Variants in ITPR1 observed in about 807,000 individuals in gnomAD.
ITPR1 encodes the protein inositol 1,4,5-trisphosphate receptor type 1.
Under a neutral mutation model 318.4 loss-of-function variants are expected in ITPR1, and 96 were observed. That is an observed-to-expected ratio of 0.30 (90% CI 0.26 to 0.36). The LOEUF is 0.36. Ranked by LOEUF, ITPR1 falls within the 10% of genes least tolerant of loss-of-function variation. The pLI, the probability that ITPR1 is intolerant of heterozygous loss-of-function variation, is 1.00. For missense variants in ITPR1, 2,440 were observed against 3,460.2 expected (o/e 0.71, Z 7.40); for synonymous variants, 1,312 against 1,289.9 (o/e 1.02, Z -0.37).
Position 4,600,817 on chromosome 3 carries a change from G to A in ITPR1, c.164-26946G>A, listed in dbSNP as rs541735038. The stretch of plus-strand genomic sequence containing the variant: ...CCAACAAGGGCGACTCCCACAGAAT[G>A]TCAGTAGCCATCAGACAATGCAGGA... On this transcript the variant is annotated intron_variant, in intron 4 of 61. Coordinates refer to ENST00000649015, the MANE Select transcript of ITPR1 (RefSeq NM_001378452.1). 2.6e-5 allele frequency among the ~76,000 whole-genome samples: 4 copies of A among 152,252 alleles called. No individual in the cohort carries two copies. The East Asian group carries it at 5.8e-4, about 22-fold the overall frequency.
rs1376527662 is a variant in ITPR1 at position 4,627,830 on chromosome 3, G to T, written c.231G>T (p.Lys77Asn). The change falls in exon 5 of 62, where the codon AAG (lysine) becomes AAT (asparagine). Residue 77 changes from lysine (K) to asparagine (N), a missense_variant. Lys to Asn is a moderately conservative substitution (Grantham distance 94). Around this residue, in one of 23 missense-constraint regions of ITPR1, gnomAD observed 186 missense variants for 323.9 expected, o/e 0.57. Transcript: ENST00000649015. Reference sequence around the variant, plus strand: ...AAAAGCAGTTCTGGAAAGCCGCTAAGCCTGGGGCCAACAGCACCACAGACG... The same window carrying T: ...AAAAGCAGTTCTGGAAAGCCGCTAATCCTGGGGCCAACAGCACCACAGACG... The part of the protein sequence containing the change: ...SAQKQFWKAA[K>N]PGANSTTDAV... 1 of 1,613,804 alleles carries T rather than the reference G, an allele frequency of 6.2e-7. No homozygotes were observed. The highest frequency in any genetic ancestry group is 8.5e-7 in the Non-Finnish European group (1 of 1,179,806).
intron 4 of ITPR1, among the ~76,000 whole-genome samples, chr3:4,594,001 TATGTGGGAGATATGATATGGGAA>T (rs1307057483): frequency 6.6e-6 from 1 of 152,132 alleles, no homozygotes; most frequent in African/African-American, 2.4e-5. Flanking sequence ...CAGGAGAATC[TATGTGGGAGATATGATATGGGAA>T]ATGCGGGGCT....
At chr3:4,622,151 G>A (rs531390436) in intron 4 of ITPR1, among the ~76,000 whole-genome samples, 23 of 127,102 alleles carry the variant, frequency 1.8e-4, no homozygotes, top group South Asian at 2.5e-4. Flanking sequence ...GTCTTGTTCC[G>A]TTGCCCAGGC....
intron 36 of ITPR1, 72 bp from the exon 37 acceptor site, chr3:4,706,095 G>T: frequency 6.5e-7 from 1 of 1,529,060 alleles, no homozygotes; most frequent in African/African-American, 1.4e-5. Flanking sequence ...ATGGGGACTA[G>T]GGCATTACGT....
intron 3 of ITPR1, among the ~76,000 whole-genome samples, chr3:4,518,282 G>A (rs867382734): frequency 5.3e-5 from 8 of 152,036 alleles, no homozygotes; most frequent in African/African-American, 9.7e-5. Flanking sequence ...CTGAGCCCCC[G>A]GGATCTTAGT....
intron 7 of ITPR1, 100 bp from the exon 8 acceptor site, chr3:4,644,036 T>A: frequency 1.3e-6 from 1 of 750,612 alleles, no homozygotes; most frequent in Non-Finnish European, 2.4e-6. Context: ...AGGCCTTGCC[T>A]TCTTCAGCAC....
chr3:4,612,443 G>A (rs950938043), intron 4 of ITPR1, among the ~76,000 whole-genome samples: 2 of 152,164 alleles, frequency 1.3e-5, no homozygotes, highest in Admixed American at 1.3e-4. Flanking sequence ...GATACCAAAG[G>A]ACAATGGCAG....
chr3:4,763,584 T>G (rs540829089), intron 44 of ITPR1, among the ~76,000 whole-genome samples: 2 of 152,372 alleles, frequency 1.3e-5, no homozygotes, highest in African/African-American at 4.8e-5. Context: ...CTGTGCTTAC[T>G]TGTGTCTTCT....
chr3:4,708,265 A>G (rs1266910676), intron 37 of ITPR1, among the ~76,000 whole-genome samples: 2 of 152,172 alleles, frequency 1.3e-5, no homozygotes, highest in African/African-American at 4.8e-5. Flanking sequence ...CTTAGCGTCT[A>G]CCAAGAGATC....
intron 4 of ITPR1, among the ~76,000 whole-genome samples, chr3:4,595,568 T>A (rs2090744237): frequency 1.3e-5 from 2 of 152,210 alleles, no homozygotes; most frequent in South Asian, 4.1e-4. Context: ...AGACTCAGCA[T>A]AAGACCTGGT....
intron 44 of ITPR1, 42 bp from the exon 45 acceptor site, chr3:4,766,488 G>A (rs1177083755): frequency 6.4e-7 from 1 of 1,565,268 alleles, no homozygotes; most frequent in Admixed American, 1.7e-5. Context: ...TGCAGTTTCT[G>A]GTCAGTTACA....
At position 4,710,135 on chromosome 3, in the gene ITPR1, T is replaced by C. The variant is rs1012539998; in HGVS notation, c.4843-190T>C. Among the ~76,000 whole-genome samples the C allele has an allele frequency of 6.6e-6, 1 of 152,240 alleles. No individual in the cohort carries two copies. The highest frequency in any genetic ancestry group is 1.5e-5 in the Non-Finnish European group (1 of 68,036). ...AAGTTGACTTGTTTTCACTTTGTTT[T>C]CTGCATCAGAGGCTAATGTTTCAGG... On this transcript the variant is annotated intron_variant, in intron 37 of 61. Transcript: ENST00000649015. The surrounding 1 kb of genome is among the most constrained non-coding windows in gnomAD (Gnocchi z 4.2).
At chr3:4,510,116 G>C (rs1237134269) in intron 2 of ITPR1, among the ~76,000 whole-genome samples, 1 of 152,210 alleles carries the variant, frequency 6.6e-6, no homozygotes, top group Admixed American at 6.5e-5. Flanking sequence ...CTGGGGCTGT[G>C]AAGGTGAGTG....
At chr3:4,570,493 A>T (rs2087860343) in intron 4 of ITPR1, among the ~76,000 whole-genome samples, 1 of 152,278 alleles carries the variant, frequency 6.6e-6, no homozygotes, top group South Asian at 2.1e-4. Flanking sequence ...ACTGTTTCTT[A>T]AAAGAAAACA....
At chr3:4,647,643 G>A (rs1462876067) in intron 10 of ITPR1, among the ~76,000 whole-genome samples, 1 of 152,162 alleles carries the variant, frequency 6.6e-6, no homozygotes, top group Non-Finnish European at 1.5e-5. Context: ...GTTCTAGTAG[G>A]TACATAGTGA....
At chr3:4,664,299 T>C (rs1457584497) in intron 16 of ITPR1, among the ~76,000 whole-genome samples, 1 of 152,160 alleles carries the variant, frequency 6.6e-6, no homozygotes, top group Non-Finnish European at 1.5e-5. Context: ...TAAAGACAAA[T>C]TAGAGGCAGT....
At chr3:4,647,736 T>C (rs1165595748) in intron 10 of ITPR1, among the ~76,000 whole-genome samples, 1 of 152,240 alleles carries the variant, frequency 6.6e-6, no homozygotes, top group Non-Finnish European at 1.5e-5. Flanking sequence ...TGGTTAACGA[T>C]GTTGAGCATT....
intron 44 of ITPR1, among the ~76,000 whole-genome samples, chr3:4,746,910 T>C (rs1236407910): frequency 6.6e-6 from 1 of 152,250 alleles, no homozygotes; most frequent in East Asian, 1.9e-4. Context: ...AGTCTCCATC[T>C]GACTCCCCAG....
At chr3:4,765,392 A>C (rs1307400971) in intron 44 of ITPR1, among the ~76,000 whole-genome samples, 1 of 152,212 alleles carries the variant, frequency 6.6e-6, no homozygotes, top group African/African-American at 2.4e-5. Context: ...TGTGTGAGTC[A>C]ATGGCTGGAG....
Sources: gnomAD v4.1 joint callset for allele counts (sites outside exome capture counted in the v4.1 genomes callset) on GRCh38, gnomAD v4.1.1 for gene constraint, gnomAD v4.1.1 regional missense constraint, Gnocchi (gnomAD v3.1) non-coding constraint, MANE v1.5 for transcripts, NCBI Gene and HGNC (gene_info 2026-07-23, HGNC 2026-07-21) for gene names.